SLC4A4: variants seen among roughly 807,000 people sequenced by gnomAD.
SLC4A4 encodes the protein solute carrier family 4 member 4.
In SLC4A4, 27 loss-of-function variants were observed where a neutral mutation model predicts 111.5. The observed-to-expected ratio is 0.24, with a 90% CI of 0.18 to 0.33. SLC4A4 has a LOEUF of 0.33. Among genes scored for constraint, SLC4A4 ranks in the 10% least tolerant of loss-of-function variants. The probability of loss-of-function intolerance (pLI) is 1.00; values close to 1 mark genes in which losing one functional copy is unlikely to be tolerated. For missense variants in SLC4A4, 909 were observed against 1,315.5 expected (o/e 0.69, Z 4.78); for synonymous variants, 443 against 463.4 (o/e 0.96, Z 0.57).
At chr4:71,293,882 C>T (rs1161170794) in intron 3 of SLC4A4, among the ~76,000 whole-genome samples, 4 of 152,160 alleles carry the variant, frequency 2.6e-5, no homozygotes, top group Non-Finnish European at 5.9e-5. Flanking sequence ...GTTGAAAGCA[C>T]GCACTGTGTG....
At chr4:71,399,916 AG>A (rs1338159652) in intron 7 of SLC4A4, among the ~76,000 whole-genome samples, 2 of 152,184 alleles carry the variant, frequency 1.3e-5, no homozygotes, top group Non-Finnish European at 2.9e-5. Flanking sequence ...ATGATCAGGA[AG>A]AAGAGCATTT....
At chr4:71,210,280 T>C (rs1455648560) in intron 1 of SLC4A4, among the ~76,000 whole-genome samples, 1 of 152,226 alleles carries the variant, frequency 6.6e-6, no homozygotes, top group African/African-American at 2.4e-5. Flanking sequence ...AGCAAGGGTG[T>C]GTTTACCATT....
chr4:71,314,018 C>T (rs1726440291), intron 3 of SLC4A4, among the ~76,000 whole-genome samples: 1 of 151,992 alleles, frequency 6.6e-6, no homozygotes, highest in Non-Finnish European at 1.5e-5. Context: ...GCAATCTATC[C>T]ATCTGACAAA....
intron 1 of SLC4A4, among the ~76,000 whole-genome samples, chr4:71,226,375 C>T (rs1273399247): frequency 6.6e-6 from 1 of 152,090 alleles, no homozygotes; most frequent in African/African-American, 2.4e-5. Flanking sequence ...TTATTCTGTT[C>T]GTGGAACAAA....
intron 7 of SLC4A4, among the ~76,000 whole-genome samples, chr4:71,424,931 G>C (rs1462764516): frequency 6.6e-6 from 1 of 151,966 alleles, no homozygotes; most frequent in African/African-American, 2.4e-5. Flanking sequence ...CATGGCACAT[G>C]TATACATATG....
At chr4:71,440,922 T>A (rs1249753066) in intron 8 of SLC4A4, 149 bp downstream of exon 8, 12 of 862,560 alleles carry the variant, frequency 1.4e-5, no homozygotes, top group Non-Finnish European at 2.2e-5. Context: ...ACTTTTATAC[T>A]GTCAAATTTC....
chr4:71,252,409 G>A (rs1381341328), intron 2 of SLC4A4, among the ~76,000 whole-genome samples: 1 of 152,166 alleles, frequency 6.6e-6, no homozygotes, highest in Non-Finnish European at 1.5e-5. Flanking sequence ...GGAGCAGAAA[G>A]CACTGTCCCT....
intron 7 of SLC4A4, among the ~76,000 whole-genome samples, chr4:71,425,359 A>T (rs567252590): frequency 6.6e-6 from 1 of 152,282 alleles, no homozygotes; most frequent in African/African-American, 2.4e-5. Context: ...TGGTGGTTGT[A>T]CTAGGCTTGC....
chr4:71,345,653 G>T (rs1256023172), intron 4 of SLC4A4, among the ~76,000 whole-genome samples: 2 of 152,036 alleles, frequency 1.3e-5, no homozygotes, highest in Non-Finnish European at 2.9e-5. Flanking sequence ...TTAAGGGCAT[G>T]GCCATTAAGC....
At chr4:71,121,040 C>A (rs889669126) in intron 2 of SLC4A4, among the ~76,000 whole-genome samples, 1 of 152,188 alleles carries the variant, frequency 6.6e-6, no homozygotes, top group Admixed American at 6.5e-5. Flanking sequence ...CTGGCGCCGC[C>A]GGCCCAGGGC....
intron 2 of SLC4A4, among the ~76,000 whole-genome samples, chr4:71,128,996 A>T (rs535346795): frequency 1.3e-5 from 2 of 152,346 alleles, no homozygotes; most frequent in South Asian, 2.1e-4. Context: ...TGTAAGGCCT[A>T]AAACTATAAA....
intron 2 of SLC4A4, among the ~76,000 whole-genome samples, chr4:71,103,279 G>C (rs1248145489): frequency 2.6e-5 from 4 of 151,722 alleles, no homozygotes; most frequent in Non-Finnish European, 5.9e-5. Context: ...AGCAAGTCCT[G>C]AGTGACCTAC....
chr4:71,444,082 G>T (rs1469326165), intron 8 of SLC4A4, among the ~76,000 whole-genome samples: 1 of 152,164 alleles, frequency 6.6e-6, no homozygotes, highest in Admixed American at 6.5e-5. Flanking sequence ...AGGATATAAA[G>T]GATTGGTACA....
intron 7 of SLC4A4, among the ~76,000 whole-genome samples, chr4:71,435,559 G>T (rs1333102454): frequency 1.3e-5 from 2 of 152,186 alleles, no homozygotes; most frequent in African/African-American, 4.8e-5. Flanking sequence ...ATTGACAAAT[G>T]GGATCTAATT....
intron 14 of SLC4A4, among the ~76,000 whole-genome samples, chr4:71,477,130 G>A (rs1728444170): frequency 6.6e-6 from 1 of 151,654 alleles, no homozygotes; most frequent in African/African-American, 2.4e-5. Flanking sequence ...ACAAAACTGA[G>A]TTTGAATTTC....
intron 20 of SLC4A4, among the ~76,000 whole-genome samples, chr4:71,547,965 T>C (rs1178992836): frequency 6.6e-6 from 1 of 151,892 alleles, no homozygotes; most frequent in Non-Finnish European, 1.5e-5. Context: ...ATTAACAATA[T>C]CCAAACTTTC....
chr4:71,527,056 G>T (rs1363088700), intron 16 of SLC4A4, among the ~76,000 whole-genome samples: 8 of 152,002 alleles, frequency 5.3e-5, no homozygotes, highest in Non-Finnish European at 1.2e-4. Context: ...ACCTTAATTT[G>T]CCCTAGCCAT....
At chr4:71,499,676 T>A (rs1438210973) in intron 16 of SLC4A4, among the ~76,000 whole-genome samples, 1 of 151,794 alleles carries the variant, frequency 6.6e-6, no homozygotes, top group Non-Finnish European at 1.5e-5. Flanking sequence ...ATGTAGTATC[T>A]GTCTGTCTGT....
intron 2 of SLC4A4, among the ~76,000 whole-genome samples, chr4:71,122,722 T>C (rs539298182): frequency 2.3e-4 from 35 of 152,324 alleles, no homozygotes; most frequent in Middle Eastern, 3.4e-3. Context: ...TTCCACATGC[T>C]GGCCGTAGAG....
Sources: allele counts gnomAD v4.1 joint callset (sites outside exome capture counted in the v4.1 genomes callset), GRCh38; gene constraint gnomAD v4.1.1; transcripts MANE v1.5; gene names NCBI Gene and HGNC (gene_info 2026-07-23, HGNC 2026-07-21).